PHACTR1: variants seen among roughly 807,000 people sequenced by gnomAD.
PHACTR1 encodes the protein RPEL repeat containing 1.
In PHACTR1, 16 loss-of-function variants were observed where a neutral mutation model predicts 69.2. The observed-to-expected ratio is 0.23, with a 90% CI of 0.16 to 0.35. The LOEUF (loss-of-function observed/expected upper bound fraction) is 0.35. PHACTR1 is among the 10% of genes least tolerant of loss of function. The pLI is 1.00. For synonymous variants in PHACTR1, 312 were observed against 284.5 expected (o/e 1.10, Z -0.97); for missense variants, 510 against 734.7 (o/e 0.69, Z 3.54).
intron 7 of PHACTR1, among the ~76,000 whole-genome samples, chr6:13,186,345 C>T (rs530043988): frequency 5.9e-5 from 9 of 152,278 alleles, no homozygotes; most frequent in Admixed American, 2.0e-4. Flanking sequence ...AACTGATTTT[C>T]GTGTTAGTAA....
chr6:12,893,457 G>A (rs945184279), intron 4 of PHACTR1, among the ~76,000 whole-genome samples: 14 of 152,150 alleles, frequency 9.2e-5, no homozygotes, highest in African/African-American at 2.4e-4. Flanking sequence ...ACTGGAAAGC[G>A]AATCCCTGGA....
At chr6:12,889,003 T>G (rs1783906088) in intron 4 of PHACTR1, among the ~76,000 whole-genome samples, 1 of 152,216 alleles carries the variant, frequency 6.6e-6, no homozygotes, top group Non-Finnish European at 1.5e-5. Context: ...CCAGGCATGG[T>G]GGCTCACACC....
chr6:13,235,938 A>G (rs1361907772), intron 10 of PHACTR1, among the ~76,000 whole-genome samples: 1 of 152,208 alleles, frequency 6.6e-6, no homozygotes, highest in East Asian at 1.9e-4. Flanking sequence ...TAAAATGGAA[A>G]GTGCCTCACC....
chr6:12,923,887 A>C (rs1033931229), intron 4 of PHACTR1, among the ~76,000 whole-genome samples: 2 of 152,242 alleles, frequency 1.3e-5, no homozygotes, highest in Non-Finnish European at 2.9e-5. Context: ...CAGTAGGTTC[A>C]TGTGTCACAT....
chr6:12,872,638 A>T (rs761373952), intron 4 of PHACTR1, among the ~76,000 whole-genome samples: 1 of 152,216 alleles, frequency 6.6e-6, no homozygotes, highest in Non-Finnish European at 1.5e-5. Context: ...ACGTTAATCA[A>T]TTGTGAGCCT....
chr6:12,853,424 A>G (rs2127761770), intron 4 of PHACTR1, among the ~76,000 whole-genome samples: 1 of 152,352 alleles, frequency 6.6e-6, no homozygotes, highest in East Asian at 1.9e-4. Context: ...TCATGAGTCA[A>G]GACAATTTTT....
chr6:12,797,040 T>TGTGTGTGTGTGTGTGA (rs563796658), intron 4 of PHACTR1, among the ~76,000 whole-genome samples: 13 of 133,320 alleles, frequency 9.8e-5, no homozygotes, highest in Non-Finnish European at 1.6e-4. Context: ...TGTGTGTGTG[T>TGTGTGTGTGTGTGTGA]GAGAGAGAGA....
intron 10 of PHACTR1, among the ~76,000 whole-genome samples, chr6:13,252,212 C>T (rs1056358746): frequency 1.4e-5 from 1 of 73,716 alleles, no homozygotes; most frequent in South Asian, 3.9e-4. Context: ...CCTGCCTTTA[C>T]AAAAAAAAAA....
intron 10 of PHACTR1, among the ~76,000 whole-genome samples, chr6:13,251,767 G>T (rs1172290477): frequency 7.1e-6 from 1 of 140,808 alleles, no homozygotes; most frequent in African/African-American, 2.9e-5. Context: ...ATTAGCTGAA[G>T]AATTAGTGAA....
At chr6:13,142,834 T>TG (rs1229564550) in intron 5 of PHACTR1, among the ~76,000 whole-genome samples, 2 of 142,342 alleles carry the variant, frequency 1.4e-5, no homozygotes, top group Non-Finnish European at 3.1e-5. Context: ...TTGAGAAGTG[T>TG]GAAAAAAAAA....
chr6:13,092,791 A>G (rs1470578485), intron 5 of PHACTR1, among the ~76,000 whole-genome samples: 1 of 152,258 alleles, frequency 6.6e-6, no homozygotes, highest in East Asian at 1.9e-4. Context: ...ACCCATTAGC[A>G]CAGTGTGGCA....
At chr6:12,730,752 C>T (rs1192752697) in intron 3 of PHACTR1, among the ~76,000 whole-genome samples, 1 of 152,232 alleles carries the variant, frequency 6.6e-6, no homozygotes, top group East Asian at 1.9e-4. Flanking sequence ...CTCCCTCCTC[C>T]CACCCTCCGG....
At chr6:13,008,836 A>G (rs978248312) in intron 4 of PHACTR1, among the ~76,000 whole-genome samples, 17 of 152,248 alleles carry the variant, frequency 1.1e-4, no homozygotes, top group African/African-American at 4.1e-4. Flanking sequence ...AGAATATCAC[A>G]TATTGTTGAT....
intron 10 of PHACTR1, among the ~76,000 whole-genome samples, chr6:13,257,969 C>T (rs1035143339): frequency 5.3e-5 from 8 of 152,146 alleles, no homozygotes; most frequent in Non-Finnish European, 8.8e-5. Flanking sequence ...GTGATGCTGA[C>T]GCTGGGGACC....
At chr6:13,261,083 G>C (rs1259803823) in intron 10 of PHACTR1, among the ~76,000 whole-genome samples, 1 of 152,076 alleles carries the variant, frequency 6.6e-6, no homozygotes, top group East Asian at 1.9e-4. Context: ...ATGCATCCTA[G>C]GAGGCAAAAT....
chr6:13,134,654 G>C (rs1178514744), intron 5 of PHACTR1, among the ~76,000 whole-genome samples: 2 of 151,794 alleles, frequency 1.3e-5, no homozygotes, highest in South Asian at 2.1e-4. Context: ...ACAAACACTG[G>C]GGAAGGCCGC....
chr6:12,854,643 A>G (rs60540908), intron 4 of PHACTR1, among the ~76,000 whole-genome samples: 2,742 of 152,312 alleles, frequency 0.018, 73 homozygotes, highest in African/African-American at 0.06. Flanking sequence ...TATGCATCCA[A>G]CAAGGGTCTA....
At chr6:12,899,435 T>C (rs931362157) in intron 4 of PHACTR1, among the ~76,000 whole-genome samples, 2 of 152,204 alleles carry the variant, frequency 1.3e-5, no homozygotes, top group Admixed American at 1.3e-4. Flanking sequence ...TGTCATAAAC[T>C]GTTAAAATAG....
chr6:13,281,994 C>T (rs1284825258), intron 12 of PHACTR1, among the ~76,000 whole-genome samples: 2 of 152,224 alleles, frequency 1.3e-5, no homozygotes, highest in Non-Finnish European at 2.9e-5. Context: ...TGGCCCTGTC[C>T]GGGGTGTGCC....
Sources: gnomAD v4.1 joint callset for allele counts (sites outside exome capture counted in the v4.1 genomes callset) on GRCh38, gnomAD v4.1.1 for gene constraint, MANE v1.5 for transcripts, NCBI Gene and HGNC (gene_info 2026-07-23, HGNC 2026-07-21) for gene names.